DCC: variants seen among roughly 807,000 people sequenced by gnomAD.
DCC encodes DCC netrin 1 receptor.
A neutral mutation model predicts 172.5 loss-of-function variants in DCC; 58 were observed. The ratio of observed to expected loss-of-function variants is 0.34; its 90% CI spans 0.27 to 0.42. The LOEUF (loss-of-function observed/expected upper bound fraction) is 0.42, where lower values mean the gene tolerates loss of function less well. Ranked by LOEUF, DCC falls within the 10% of genes least tolerant of loss-of-function variation. The probability of loss-of-function intolerance (pLI) is 1.00; values close to 1 mark genes in which losing one functional copy is unlikely to be tolerated. For missense variants in DCC, 1,740 were observed against 1,791.0 expected, an observed-to-expected ratio of 0.97 and a Z score of 0.51; for synonymous variants, 709 against 644.5, an observed-to-expected ratio of 1.10 and a Z score of -1.52.
intron 3 of DCC, among the ~76,000 whole-genome samples, chr18:52,919,221 G>A (rs938223983): frequency 4.6e-5 from 7 of 152,154 alleles, no homozygotes; most frequent in African/African-American, 9.7e-5. Context: ...CTCATGCAGC[G>A]TGACTTTCAC....
intron 7 of DCC, among the ~76,000 whole-genome samples, chr18:53,118,313 A>G (rs987197679): frequency 4.6e-5 from 7 of 151,812 alleles, no homozygotes; most frequent in Non-Finnish European, 1.0e-4. Flanking sequence ...TATTTTGACT[A>G]CTACCTTCGT....
At chr18:52,912,375 A>C (rs1943095) in intron 3 of DCC, among the ~76,000 whole-genome samples, 3 of 151,906 alleles carry the variant, frequency 2.0e-5, no homozygotes, top group Non-Finnish European at 4.4e-5. Context: ...ATGTCAAGAT[A>C]ATTTCTCTGG....
At chr18:52,633,749 T>C (rs904295501) in intron 1 of DCC, among the ~76,000 whole-genome samples, 3 of 152,162 alleles carry the variant, frequency 2.0e-5, no homozygotes, top group African/African-American at 7.2e-5. Flanking sequence ...AGCCTCTGAC[T>C]CTCCTCCAAA....
At chr18:52,366,853 C>T (rs1360138692) in intron 1 of DCC, among the ~76,000 whole-genome samples, 3 of 152,368 alleles carry the variant, frequency 2.0e-5, no homozygotes, top group South Asian at 2.1e-4. Context: ...CAGTGGATCC[C>T]GCACCAGGGC....
At chr18:53,450,142 T>TATAC (rs1478515797) in intron 22 of DCC, among the ~76,000 whole-genome samples, 309 of 149,064 alleles carry the variant, frequency 2.1e-3, no homozygotes, top group African/African-American at 6.3e-3. Flanking sequence ...TATATATATA[T>TATAC]ACACACACAC....
intron 12 of DCC, among the ~76,000 whole-genome samples, chr18:53,250,145 T>C (rs2056412407): frequency 6.6e-6 from 1 of 151,814 alleles, no homozygotes; most frequent in Non-Finnish European, 1.5e-5. Flanking sequence ...TGGGGTGGAG[T>C]TGAATTTCCC....
At chr18:53,073,477 G>C (rs2042683262) in intron 7 of DCC, among the ~76,000 whole-genome samples, 1 of 152,136 alleles carries the variant, frequency 6.6e-6, no homozygotes, top group African/African-American at 2.4e-5. Context: ...AGTGAGCCGA[G>C]ATAGCACCAC....
intron 1 of DCC, among the ~76,000 whole-genome samples, chr18:52,610,181 ATATATATATATATATATAT>A (rs1568254243): frequency 0.13 from 1,262 of 9,892 alleles, 245 homozygotes; most frequent in Non-Finnish European, 0.16. Context: ...AAAAAAAAAT[ATATATATATATATATATAT>A]ATATATATAT....
intron 9 of DCC, among the ~76,000 whole-genome samples, chr18:53,198,521 C>T (rs2055484937): frequency 6.6e-6 from 1 of 151,950 alleles, no homozygotes; most frequent in African/African-American, 2.4e-5. Context: ...TGTAATCAAT[C>T]ATGCTTTGTT....
At chr18:52,829,165 G>C (rs1406544121) in intron 2 of DCC, among the ~76,000 whole-genome samples, 1 of 152,120 alleles carries the variant, frequency 6.6e-6, no homozygotes, top group Non-Finnish European at 1.5e-5. Context: ...GAAAACCTCA[G>C]AAGCCCAGAA....
chr18:53,397,724 T>G (rs1177753056), intron 18 of DCC, among the ~76,000 whole-genome samples: 1 of 152,190 alleles, frequency 6.6e-6, no homozygotes, highest in South Asian at 2.1e-4. Flanking sequence ...TTCTTTTCAC[T>G]ACATTTAAGT....
intron 7 of DCC, among the ~76,000 whole-genome samples, chr18:53,104,505 GA>G (rs2043217277): frequency 6.6e-6 from 1 of 151,982 alleles, no homozygotes; most frequent in Admixed American, 6.6e-5. Context: ...CAGCCATGTG[GA>G]ACTGTAAGTC....
chr18:52,659,807 G>T (rs2035322655), intron 1 of DCC, among the ~76,000 whole-genome samples: 1 of 151,974 alleles, frequency 6.6e-6, no homozygotes, highest in African/African-American at 2.4e-5. Flanking sequence ...CCCAAGCCTT[G>T]CAACAATGCA....
chr18:52,952,722 G>T (rs889234826), intron 5 of DCC, among the ~76,000 whole-genome samples: 1 of 151,990 alleles, frequency 6.6e-6, no homozygotes, highest in Non-Finnish European at 1.5e-5. Flanking sequence ...ATAATAGGCT[G>T]GGCATGGTTG....
chr18:53,143,416 A>G (rs1278358742), intron 7 of DCC, among the ~76,000 whole-genome samples: 2 of 152,216 alleles, frequency 1.3e-5, no homozygotes, highest in East Asian at 1.9e-4. Flanking sequence ...AACTCTTACA[A>G]TCTCCAGATT....
intron 1 of DCC, among the ~76,000 whole-genome samples, chr18:52,549,107 C>G (rs2032694583): frequency 6.6e-6 from 1 of 151,890 alleles, no homozygotes. Flanking sequence ...ATGCACTTTT[C>G]ATGGTCTTTA....
At chr18:53,002,648 A>ATATT (rs140854233) in intron 5 of DCC, among the ~76,000 whole-genome samples, 7 of 151,680 alleles carry the variant, frequency 4.6e-5, no homozygotes, top group South Asian at 4.1e-4. Flanking sequence ...CACATGCCAG[A>ATATT]TATTTATTTA....
chr18:52,404,087 G>A (rs184394347), intron 1 of DCC, among the ~76,000 whole-genome samples: 481 of 152,160 alleles, frequency 3.2e-3, no homozygotes, highest in Non-Finnish European at 3.5e-3. Flanking sequence ...CTGACTTTGA[G>A]GGGTAGGAGG....
intron 7 of DCC, among the ~76,000 whole-genome samples, chr18:53,069,923 G>T (rs906878681): frequency 2.6e-5 from 4 of 151,538 alleles, no homozygotes; most frequent in Non-Finnish European, 1.5e-5. Flanking sequence ...TGTGGGGTTG[G>T]GGGGGGTTGT....
Sources: allele counts gnomAD v4.1 joint callset (sites outside exome capture counted in the v4.1 genomes callset), GRCh38; gene constraint gnomAD v4.1.1; transcripts MANE v1.5; gene names NCBI Gene and HGNC (gene_info 2026-07-23, HGNC 2026-07-21).